The following PTPRM variants were observed in gnomAD, a reference collection of about 807,000 sequenced individuals.
The protein encoded by PTPRM is protein tyrosine phosphatase receptor type M, also known as receptor-type tyrosine-protein phosphatase mu.
Under a neutral mutation model 186.7 loss-of-function variants are expected in PTPRM, and 47 were observed. The observed-to-expected ratio is 0.25, with a 90% CI of 0.20 to 0.32. The LOEUF (loss-of-function observed/expected upper bound fraction) is 0.32, where lower values mean the gene tolerates loss of function less well. Among genes scored for constraint, PTPRM ranks in the 10% least tolerant of loss-of-function variants. PTPRM has a pLI of 1.00. For missense variants in PTPRM, 1,494 were observed against 1,865.0 expected (o/e 0.80, Z 3.66); for synonymous variants, 668 against 674.9 (o/e 0.99, Z 0.16).
chr18:7,705,716 ACTTT>A lies in PTPRM; in HGVS notation c.74-68424_74-68421del, dbSNP rs976607399. Among the ~76,000 whole-genome samples, 14 of 151,008 alleles carry A rather than the reference ACTTT, an allele frequency of 9.3e-5. No homozygotes were observed. In the South Asian group the frequency reaches 1.9e-3, roughly 20 times the overall value. Reference sequence around the variant, plus strand: ...CTCTTTCTTTCATTCTTTCTTCTTTACTTTCTTTCTTTTTCTCTTTTCTTTTGAG... The same window carrying A: ...CTCTTTCTTTCATTCTTTCTTCTTTACTTTCTTTTTCTCTTTTCTTTTGAG... On this transcript the variant is annotated intron_variant, in intron 1 of 32. Coordinates refer to ENST00000580170, the MANE Select transcript of PTPRM (RefSeq NM_001105244.2).
intron 1 of PTPRM, among the ~76,000 whole-genome samples, chr18:7,574,845 C>T (rs1333282620): frequency 6.6e-6 from 1 of 152,168 alleles, no homozygotes; most frequent in Admixed American, 6.5e-5. Context: ...TCCTGGCTAA[C>T]GTGGTGAAAC....
intron 1 of PTPRM, among the ~76,000 whole-genome samples, chr18:7,724,291 C>T (rs1038523484): frequency 6.6e-6 from 1 of 152,124 alleles, no homozygotes; most frequent in African/African-American, 2.4e-5. Flanking sequence ...ATCTGTTACA[C>T]AAAGACAATC....
intron 8 of PTPRM, among the ~76,000 whole-genome samples, chr18:8,074,083 T>C (rs1227647590): frequency 6.6e-6 from 1 of 152,134 alleles, no homozygotes; most frequent in Non-Finnish European, 1.5e-5. Context: ...TTGACTTTAA[T>C]TGGAATAACT....
At chr18:7,746,975 G>A (rs562481492) in intron 1 of PTPRM, among the ~76,000 whole-genome samples, 9 of 152,158 alleles carry the variant, frequency 5.9e-5, no homozygotes, top group African/African-American at 1.2e-4. Context: ...GGTTTCTCCC[G>A]GTGTGAACTC....
At chr18:7,597,561 G>A (rs2037297408) in intron 1 of PTPRM, among the ~76,000 whole-genome samples, 1 of 152,142 alleles carries the variant, frequency 6.6e-6, no homozygotes, top group South Asian at 2.1e-4. Flanking sequence ...GCCACAACCT[G>A]AGGTCAGCTG....
chr18:8,399,194 A>G (rs2095859588), intron 32 of PTPRM, among the ~76,000 whole-genome samples: 1 of 152,218 alleles, frequency 6.6e-6, no homozygotes, highest in Non-Finnish European at 1.5e-5. Flanking sequence ...AACACAACGC[A>G]GATCGGTTGT....
chr18:8,174,616 A>G (rs2093454305), intron 14 of PTPRM, among the ~76,000 whole-genome samples: 3 of 152,218 alleles, frequency 2.0e-5, no homozygotes, highest in Admixed American at 6.5e-5. Flanking sequence ...AGGGAAATCT[A>G]TAGGGAAAGT....
intron 3 of PTPRM, among the ~76,000 whole-genome samples, chr18:7,891,882 G>GA (rs926519771): frequency 8.6e-5 from 13 of 150,768 alleles, no homozygotes; most frequent in South Asian, 2.1e-4. Context: ...CTCAAAAAAG[G>GA]AAAAAAAAAG....
chr18:7,653,185 T>C (rs1429780079), intron 1 of PTPRM, among the ~76,000 whole-genome samples: 1 of 151,448 alleles, frequency 6.6e-6, no homozygotes, highest in Non-Finnish European at 1.5e-5. Context: ...CTCACTCTGT[T>C]GCCCAGGTGG....
chr18:7,614,123 GA>G (rs1415143574), intron 1 of PTPRM, among the ~76,000 whole-genome samples: 8 of 152,190 alleles, frequency 5.3e-5, no homozygotes, highest in Non-Finnish European at 2.9e-5. Context: ...AGGAGAACCA[GA>G]GAACATGTGT....
intron 7 of PTPRM, among the ~76,000 whole-genome samples, chr18:8,025,037 G>A (rs900635866): frequency 8.5e-5 from 13 of 152,058 alleles, no homozygotes; most frequent in Admixed American, 1.3e-4. Context: ...AGAACTATGC[G>A]GTAGAAGTGG....
chr18:8,362,518 C>T (rs967939870), intron 23 of PTPRM, among the ~76,000 whole-genome samples: 5 of 152,164 alleles, frequency 3.3e-5, no homozygotes, highest in African/African-American at 7.2e-5. Context: ...CTTCCTGCTG[C>T]TGTCGGAGGA....
chr18:7,573,231 C>T (rs1598435453), intron 1 of PTPRM, among the ~76,000 whole-genome samples: 1 of 152,146 alleles, frequency 6.6e-6, no homozygotes, highest in East Asian at 1.9e-4. Context: ...CCCCTTGTGC[C>T]CTCTTAGCTA....
intron 7 of PTPRM, among the ~76,000 whole-genome samples, chr18:8,010,305 G>C (rs1034610398): frequency 6.6e-6 from 1 of 152,100 alleles, no homozygotes; most frequent in Admixed American, 6.5e-5. Flanking sequence ...AAAGCCTTCG[G>C]TGACTTTTTG....
chr18:7,851,392 T>C (rs569710403), intron 2 of PTPRM, among the ~76,000 whole-genome samples: 11 of 152,182 alleles, frequency 7.2e-5, no homozygotes, highest in Admixed American at 2.0e-4. Context: ...AGAAAACTTA[T>C]ATATGCTGTC....
chr18:8,140,498 T>A (rs1330459328), intron 13 of PTPRM, among the ~76,000 whole-genome samples: 2 of 151,072 alleles, frequency 1.3e-5, no homozygotes, highest in African/African-American at 4.9e-5. Flanking sequence ...AACTGAAATC[T>A]TAATGCAATT....
chr18:7,646,137 C>T (rs1010727533), intron 1 of PTPRM, among the ~76,000 whole-genome samples: 1 of 152,002 alleles, frequency 6.6e-6, no homozygotes, highest in East Asian at 1.9e-4. Flanking sequence ...AAACATATGC[C>T]CAGGATTTGA....
At chr18:7,803,439 G>A (rs1055106510) in intron 2 of PTPRM, among the ~76,000 whole-genome samples, 2 of 152,064 alleles carry the variant, frequency 1.3e-5, no homozygotes, top group African/African-American at 2.4e-5. Flanking sequence ...GTGATTATGT[G>A]GAGCCCACCT....
At chr18:8,249,557 C>T (rs536336672) in intron 17 of PTPRM, among the ~76,000 whole-genome samples, 1 of 152,176 alleles carries the variant, frequency 6.6e-6, no homozygotes, top group East Asian at 1.9e-4. Flanking sequence ...CGAAGATTTG[C>T]GATTTCTTCA....
Sources: gnomAD v4.1 joint callset for allele counts (sites outside exome capture counted in the v4.1 genomes callset) on GRCh38, gnomAD v4.1.1 for gene constraint, MANE v1.5 for transcripts, NCBI Gene and HGNC (gene_info 2026-07-23, HGNC 2026-07-21) for gene names.